Variants in LZTFL1 observed in about 807,000 individuals in gnomAD.
The protein encoded by LZTFL1 is leucine zipper transcription factor-like protein 1.
A neutral mutation model predicts 45.9 loss-of-function variants in LZTFL1; 25 were observed. The observed-to-expected ratio is 0.54, with a 90% CI of 0.40 to 0.76. The LOEUF (loss-of-function observed/expected upper bound fraction) is 0.76, where lower values mean the gene tolerates loss of function less well. Ranked by LOEUF, LZTFL1 falls within the 30% of genes least tolerant of loss-of-function variation. The pLI, the probability that LZTFL1 is intolerant of heterozygous loss-of-function variation, is 0.00. For synonymous variants in LZTFL1, 93 were observed against 117.4 expected (o/e 0.79, Z 1.35); for missense variants, 277 against 331.1 (o/e 0.84, Z 1.27).
chr3:45,851,057 G>A (rs1039345410), intron 4 of LZTFL1, among the ~76,000 whole-genome samples: 2 of 151,850 alleles, frequency 1.3e-5, no homozygotes, highest in South Asian at 2.1e-4. Flanking sequence ...TTCACTTCAG[G>A]ACCTGTCTGC....
At chr3:45,905,269 C>T (rs1702658757) in intron 2 of LZTFL1, among the ~76,000 whole-genome samples, 1 of 152,204 alleles carries the variant, frequency 6.6e-6, no homozygotes, top group Non-Finnish European at 1.5e-5. Context: ...ATGTGCTCCT[C>T]CCTTCCAGTT....
chr3:45,836,284 A>C (rs1700963885), intron 2 of LZTFL1, among the ~76,000 whole-genome samples: 1 of 152,174 alleles, frequency 6.6e-6, no homozygotes, highest in South Asian at 2.1e-4. Flanking sequence ...TAATAATAAT[A>C]ATAAAAACTA....
chr3:45,890,335 A>ATAT lies in LZTFL1; in HGVS notation c.-215+22784_-215+22785insATA, dbSNP rs1553616543. ...TATATATTTATATAAATATATATAT[A>ATAT]ACATATATATATAACATATATATAT... On this transcript the variant is annotated intron_variant, in intron 2 of 4. Transcript: ENST00000472635. Among the ~76,000 whole-genome samples the ATAT allele has an allele frequency of 4.2e-4, 26 of 61,746 alleles. 3 individuals carry two copies. In the South Asian group the frequency reaches 6.0e-3, roughly 14 times the overall value. The allele number at this position is 61,746 out of a possible 152,430, so 40.5% of individuals were successfully genotyped here.
At chr3:45,874,885 T>C (rs563846956) in intron 2 of LZTFL1, among the ~76,000 whole-genome samples, 1 of 152,296 alleles carries the variant, frequency 6.6e-6, no homozygotes, top group South Asian at 2.1e-4. Context: ...AGCTGGTGGA[T>C]GGGAGGCACG....
chr3:45,831,276 A>ACTG (rs1407539260), intron 5 of LZTFL1, 138 bp from the exon 6 acceptor site: 2 of 555,772 alleles, frequency 3.6e-6, no homozygotes, highest in African/African-American at 3.8e-5. Context: ...ATATTTTGGT[A>ACTG]ATATCCCAAT....
intron 2 of LZTFL1, chr3:45,902,926 A>C (rs1702604103): frequency 6.0e-6 from 1 of 166,780 alleles, no homozygotes; most frequent in Non-Finnish European, 1.5e-5. Flanking sequence ...TCCTTTTCTT[A>C]CTCTATAGTG....
chr3:45,870,599 T>C (rs761576777), intron 2 of LZTFL1, among the ~76,000 whole-genome samples: 24 of 152,260 alleles, frequency 1.6e-4, no homozygotes, highest in Non-Finnish European at 2.9e-4. Context: ...AGTAATTGTA[T>C]ATTTGTACAA....
intron 2 of LZTFL1, among the ~76,000 whole-genome samples, chr3:45,862,705 G>A (rs1423421411): frequency 1.3e-5 from 2 of 152,230 alleles, no homozygotes; most frequent in South Asian, 2.1e-4. Flanking sequence ...GCATCTTAAA[G>A]TATGGGCCGA....
At chr3:45,890,116 T>C (rs1702102170) in intron 2 of LZTFL1, among the ~76,000 whole-genome samples, 1 of 149,834 alleles carries the variant, frequency 6.7e-6, no homozygotes, top group African/African-American at 2.5e-5. Context: ...AATCTGAAAC[T>C]TGCTGTCACT....
At chr3:45,845,811 C>CT (rs1299456738), upstream of LZTFL1, among the ~76,000 whole-genome samples, 7 of 152,224 alleles carry the variant, frequency 4.6e-5, no homozygotes, top group East Asian at 1.4e-3. Context: ...CTGTGTAGTC[C>CT]TATTGGAAGA....
chr3:45,863,518 C>CT (rs1330636310), intron 2 of LZTFL1, among the ~76,000 whole-genome samples: 1 of 152,202 alleles, frequency 6.6e-6, no homozygotes, highest in Non-Finnish European at 1.5e-5. Flanking sequence ...TCACCCTCAC[C>CT]TAAAGGTTGA....
At chr3:45,855,139 T>C in intron 3 of LZTFL1, 1 of 921,852 alleles carries the variant, frequency 1.1e-6, no homozygotes, top group Non-Finnish European at 1.7e-6. Flanking sequence ...AGGGATATGA[T>C]GAACATCAAT....
In LZTFL1 at chr3:45,830,983, T is replaced by C; in HGVS notation, c.530A>G (p.Asn177Ser). 1.2e-6 allele frequency: 2 copies of C among 1,613,928 alleles called. No individual in the cohort carries two copies. Among genetic ancestry groups the C allele is most frequent in the Non-Finnish European group, 8.5e-7 (1 of 1,179,808 alleles). Residue 177 changes from asparagine to serine, a missense_variant, in exon 7 of 10, where the codon AAT becomes AGT. Coordinates refer to ENST00000296135, the MANE Select transcript of LZTFL1 (RefSeq NM_020347.4). ...RLKTIEIQATNALDEKSKLEK... is the reference protein window; with the variant it reads ...RLKTIEIQATSALDEKSKLEK... ...TAGTTTTGACTTTTCATCCAGTGCA[T>C]TTGTAGCCTATAGTGAAGTTTAAAC...
intron 2 of LZTFL1, among the ~76,000 whole-genome samples, chr3:45,875,648 T>C (rs1701739608): frequency 6.6e-6 from 1 of 152,078 alleles, no homozygotes; most frequent in Non-Finnish European, 1.5e-5. Flanking sequence ...ATAGTGAGAC[T>C]CTGTCTCTAT....
intron 4 of LZTFL1, among the ~76,000 whole-genome samples, chr3:45,853,601 C>T (rs1480627473): frequency 6.6e-6 from 1 of 152,176 alleles, no homozygotes; most frequent in Non-Finnish European, 1.5e-5. Context: ...CCAGGGTTAA[C>T]TAGATCCCAT....
upstream of LZTFL1, among the ~76,000 whole-genome samples, chr3:45,845,553 A>G (rs1300937202): frequency 1.3e-5 from 2 of 152,186 alleles, no homozygotes; most frequent in Admixed American, 6.5e-5. Context: ...AGAAGTGTCC[A>G]GAGATGTACA....
intron 2 of LZTFL1, among the ~76,000 whole-genome samples, chr3:45,910,057 C>T (rs1329133391): frequency 3.9e-5 from 6 of 152,110 alleles, no homozygotes; most frequent in African/African-American, 9.7e-5. Flanking sequence ...ACTGTTCAGG[C>T]GCAGATGATG....
chr3:45,897,010 G>C (rs1453065783), intron 2 of LZTFL1, among the ~76,000 whole-genome samples: 1 of 152,186 alleles, frequency 6.6e-6, no homozygotes, highest in Non-Finnish European at 1.5e-5. Context: ...CAACTGGGAC[G>C]CCTGGGCTGC....
intron 7 of LZTFL1, 75 bp from the exon 8 acceptor site, chr3:45,828,690 C>T: frequency 8.0e-7 from 1 of 1,251,354 alleles, no homozygotes; most frequent in Non-Finnish European, 1.1e-6. Flanking sequence ...GGTGATTCAA[C>T]ATCATAGGAG....
Sources: gnomAD v4.1 joint callset for allele counts (sites outside exome capture counted in the v4.1 genomes callset) on GRCh38, gnomAD v4.1.1 for gene constraint, MANE v1.5 for transcripts, NCBI Gene and HGNC (gene_info 2026-07-23, HGNC 2026-07-21) for gene names.